NECAB2: variants seen among roughly 807,000 people sequenced by gnomAD.
NECAB2 encodes the protein N-terminal EF-hand calcium-binding protein 2.
NECAB2 carries 68 observed loss-of-function variants against 51.9 expected under a neutral mutation model. The observed-to-expected ratio is 1.31, with a 90% confidence interval of 1.08 to 1.60. The LOEUF (loss-of-function observed/expected upper bound fraction) is 1.60. NECAB2 is among the 40% of genes most tolerant of loss of function. The pLI, the probability that NECAB2 is intolerant of heterozygous loss-of-function variation, is 0.00. For synonymous variants in NECAB2, 329 were observed against 203.5 expected (o/e 1.62, Z -5.25); for missense variants, 854 against 490.3 (o/e 1.74, Z -7.00).
At position 83,990,801 on chromosome 16, in the gene NECAB2, A is replaced by G. The variant is rs549589328; in HGVS notation, c.596+171A>G. Among the ~76,000 whole-genome samples the G allele has an allele frequency of 7.2e-5, 11 of 152,152 alleles. No individual in the cohort carries two copies. The East Asian group carries it at 1.7e-3, about 24-fold the overall frequency. Reference sequence around the variant, plus strand: ...CATTATGTAATATAGGCACAATTATATACCTAAAATCTCAGCCATTGCAAG... The same window carrying G: ...CATTATGTAATATAGGCACAATTATGTACCTAAAATCTCAGCCATTGCAAG... On this transcript the variant is annotated intron_variant, in intron 6 of 12. Transcript: ENST00000305202.
chr16:83,998,886 T>C (rs181158293), intron 10 of NECAB2, among the ~76,000 whole-genome samples: 176 of 152,290 alleles, frequency 1.2e-3, no homozygotes, highest in African/African-American at 4.0e-3. Context: ...CTGATGTAGC[T>C]CCTTGGTAAA....
At chr16:83,977,082 G>C (rs183101037) in intron 2 of NECAB2, among the ~76,000 whole-genome samples, 1 of 152,190 alleles carries the variant, frequency 6.6e-6, no homozygotes, top group Non-Finnish European at 1.5e-5. Flanking sequence ...TCATCCTCTC[G>C]GCAGAGAAAG....
intron 5 of NECAB2, among the ~76,000 whole-genome samples, chr16:83,984,247 G>A (rs550522491): frequency 1.1e-4 from 17 of 151,604 alleles, no homozygotes; most frequent in South Asian, 4.2e-4. Context: ...TGTCCTCCTC[G>A]GCCTCCCAAA....
chr16:83,973,954 T>A (rs7193914), intron 2 of NECAB2, among the ~76,000 whole-genome samples: 20,375 of 151,960 alleles, frequency 0.13, 3,716 homozygotes, highest in African/African-American at 0.42. Context: ...GTGTATACAC[T>A]TGGGCAGGTG....
At chr16:83,993,942 G>T (rs1038050450) in intron 6 of NECAB2, among the ~76,000 whole-genome samples, 1 of 152,130 alleles carries the variant, frequency 6.6e-6, no homozygotes, top group Non-Finnish European at 1.5e-5. Context: ...GGGGGACTTG[G>T]TCACTCCACA....
upstream of NECAB2, chr16:83,965,354 G>A: frequency 6.4e-7 from 1 of 1,572,098 alleles, no homozygotes; most frequent in Non-Finnish European, 8.6e-7. Context: ...CCCCGGGGAG[G>A]CCCTGCCCTT....
chr16:83,977,540 G>A (rs1329051870), intron 2 of NECAB2, among the ~76,000 whole-genome samples: 1 of 152,074 alleles, frequency 6.6e-6, no homozygotes, highest in Non-Finnish European at 1.5e-5. Flanking sequence ...GGCGATGGGT[G>A]GGACTGGTGG....
upstream of NECAB2, chr16:83,965,472 C>T (rs746897234): frequency 1.6e-5 from 25 of 1,605,360 alleles, no homozygotes; most frequent in African/African-American, 5.3e-5. Flanking sequence ...GCGGCCGACG[C>T]GGTCCTCTAC....
intron 11 of NECAB2, among the ~76,000 whole-genome samples, chr16:84,001,572 G>T (rs983155606): frequency 6.6e-6 from 1 of 152,126 alleles, no homozygotes; most frequent in East Asian, 1.9e-4. Context: ...GGGGGAGGTA[G>T]AGGCTCTGTG....
Position 83,994,625 on chromosome 16 carries a change from G to T in NECAB2, c.732G>T (p.Lys244Asn). The stretch of plus-strand genomic sequence containing the variant: ...CTACCGCAGCCACGGAGGATGCAAA[G>T]GAAGAGGGTCTGGAAGCCCAGATCA... ...KTLPSATEDA[K>N]EEGLEAQISR... Residue 244 changes from lysine to asparagine, a missense_variant, in exon 8 of 13, where the codon AAG becomes AAT. By Grantham distance (94) the Lys-to-Asn change is moderately conservative. Transcript: ENST00000305202. The T allele has an allele frequency of 1.2e-6, 2 of 1,614,162 alleles. No homozygotes were observed. The highest frequency in any genetic ancestry group is 2.2e-5 in the East Asian group (1 of 44,888).
chr16:83,971,356 G>C (rs1323300891), intron 1 of NECAB2: 1 of 152,220 alleles, frequency 6.6e-6, no homozygotes, highest in African/African-American at 2.4e-5. Context: ...GGGCTGAGGA[G>C]GTTTTGAAAG....
chr16:83,979,141 C>G (rs2084453309), intron 3 of NECAB2, among the ~76,000 whole-genome samples: 1 of 152,184 alleles, frequency 6.6e-6, no homozygotes, highest in Non-Finnish European at 1.5e-5. Context: ...TTACCCTTGA[C>G]CCTTCCCAGC....
chr16:83,981,976 C>T (rs976005953), intron 5 of NECAB2, among the ~76,000 whole-genome samples: 3 of 152,196 alleles, frequency 2.0e-5, no homozygotes, highest in African/African-American at 7.2e-5. Flanking sequence ...GCTGAGGGAT[C>T]TGAGCTGGTT....
At chr16:83,980,932 G>C (rs2084479241) in intron 4 of NECAB2, 68 bp downstream of exon 4, 1 of 1,610,640 alleles carries the variant, frequency 6.2e-7, no homozygotes, top group African/African-American at 1.3e-5. Flanking sequence ...AAGGGCCTGA[G>C]GCAGGGGAGG....
At chr16:83,966,788 G>A (rs968780133), upstream of NECAB2, among the ~76,000 whole-genome samples, 5 of 152,194 alleles carry the variant, frequency 3.3e-5, no homozygotes, top group African/African-American at 4.8e-5. Flanking sequence ...CTTCCTCTAG[G>A]AAGCCTCTTC....
chr16:83,998,651 G>A (rs76738539), intron 10 of NECAB2, among the ~76,000 whole-genome samples: 13 of 152,328 alleles, frequency 8.5e-5, no homozygotes, highest in East Asian at 7.7e-4. Context: ...GGTGTGCCCC[G>A]TGCGCTCAGT....
chr16:83,982,360 C>G (rs2084499277), intron 5 of NECAB2, among the ~76,000 whole-genome samples: 1 of 152,132 alleles, frequency 6.6e-6, no homozygotes, highest in East Asian at 1.9e-4. Flanking sequence ...TATTTTAATA[C>G]CATGTAAGAC....
chr16:83,992,378 C>CCCCG (rs1555548090), intron 6 of NECAB2, among the ~76,000 whole-genome samples: 2 of 88,668 alleles, frequency 2.3e-5, no homozygotes, highest in African/African-American at 3.7e-4. Flanking sequence ...GAGCACCCGT[C>CCCCG]CCCCCGCCCA....
chr16:83,972,540 C>T (rs1020930504), intron 2 of NECAB2, among the ~76,000 whole-genome samples: 6 of 152,194 alleles, frequency 3.9e-5, no homozygotes, highest in African/African-American at 4.8e-5. Flanking sequence ...GAAAGGAAGC[C>T]GCCAGCCTCA....
Sources: allele counts gnomAD v4.1 joint callset (sites outside exome capture counted in the v4.1 genomes callset), GRCh38; gene constraint gnomAD v4.1.1; transcripts MANE v1.5; gene names NCBI Gene and HGNC (gene_info 2026-07-23, HGNC 2026-07-21).